MGMT: variants seen among roughly 807,000 people sequenced by gnomAD.
MGMT encodes O-6-methylguanine-DNA methyltransferase.
A neutral mutation model predicts 15.9 loss-of-function variants in MGMT; 14 were observed. That is an observed-to-expected ratio of 0.88 (90% CI 0.58 to 1.37). The LOEUF (loss-of-function observed/expected upper bound fraction) is 1.37. MGMT is among the 40% of genes most tolerant of loss of function. MGMT has a pLI of 0.00. For missense variants in MGMT, 282 were observed against 268.1 expected (o/e 1.05, Z -0.36); for synonymous variants, 130 against 118.2 (o/e 1.10, Z -0.65).
intron 1 of MGMT, among the ~76,000 whole-genome samples, chr10:129,511,700 G>A (rs1368511660): frequency 6.6e-6 from 1 of 152,176 alleles, no homozygotes; most frequent in Non-Finnish European, 1.5e-5. Context: ...GAGGGGCCTA[G>A]CATATACTAA....
At chr10:129,497,196 A>C (rs1412016893) in intron 1 of MGMT, among the ~76,000 whole-genome samples, 1 of 151,202 alleles carries the variant, frequency 6.6e-6, no homozygotes, top group African/African-American at 2.4e-5. Flanking sequence ...AGCTCGTACC[A>C]CTCCCCCGTC....
At chr10:129,760,013 A>C (rs1848853906) in intron 4 of MGMT, among the ~76,000 whole-genome samples, 1 of 152,112 alleles carries the variant, frequency 6.6e-6, no homozygotes, top group South Asian at 2.1e-4. Flanking sequence ...GATTTCACTA[A>C]ACTCCAGGCT....
At chr10:129,543,715 T>C (rs1846069529) in intron 2 of MGMT, among the ~76,000 whole-genome samples, 1 of 152,208 alleles carries the variant, frequency 6.6e-6, no homozygotes, top group Non-Finnish European at 1.5e-5. Flanking sequence ...GCAAAAGTTT[T>C]ATTTCTGTCA....
chr10:129,493,938 A>T (rs1845494764), intron 1 of MGMT, among the ~76,000 whole-genome samples: 1 of 152,122 alleles, frequency 6.6e-6, no homozygotes, highest in Non-Finnish European at 1.5e-5. Flanking sequence ...TGTGTGTTTG[A>T]CTTTTTCACC....
chr10:129,652,150 A>G (rs1054961188), intron 2 of MGMT, among the ~76,000 whole-genome samples: 7 of 152,184 alleles, frequency 4.6e-5, no homozygotes, highest in African/African-American at 1.7e-4. Flanking sequence ...ACTGAAGACA[A>G]CAGAAAGGCC....
chr10:129,590,634 A>G (rs1178157575), intron 2 of MGMT, among the ~76,000 whole-genome samples: 1 of 152,246 alleles, frequency 6.6e-6, no homozygotes, highest in Non-Finnish European at 1.5e-5. Flanking sequence ...GTCATTTGCC[A>G]TTCACAGTCT....
chr10:129,696,029 T>G (rs1486181412), intron 2 of MGMT, among the ~76,000 whole-genome samples: 1 of 152,112 alleles, frequency 6.6e-6, no homozygotes, highest in Non-Finnish European at 1.5e-5. Context: ...TGAGAAGGCA[T>G]GCCTACAGAC....
At chr10:129,540,230 C>CTTA (rs1564846502) in intron 2 of MGMT, among the ~76,000 whole-genome samples, 2 of 152,156 alleles carry the variant, frequency 1.3e-5, no homozygotes, top group African/African-American at 4.8e-5. Flanking sequence ...GTATGTTGAT[C>CTTA]TTATATTCTG....
At chr10:129,484,943 G>A (rs1845393959) in intron 1 of MGMT, among the ~76,000 whole-genome samples, 2 of 151,812 alleles carry the variant, frequency 1.3e-5, no homozygotes, top group Non-Finnish European at 2.9e-5. Flanking sequence ...ATATATGTAT[G>A]TGTGTATTTT....
At chr10:129,745,182 C>G (rs1207671137) in intron 3 of MGMT, among the ~76,000 whole-genome samples, 1 of 152,126 alleles carries the variant, frequency 6.6e-6, no homozygotes, top group East Asian at 1.9e-4. Flanking sequence ...GAGAAAACTC[C>G]CTTTGATTAA....
At chr10:129,531,997 A>G (rs1845938451) in intron 1 of MGMT, among the ~76,000 whole-genome samples, 1 of 152,142 alleles carries the variant, frequency 6.6e-6, no homozygotes, top group South Asian at 2.1e-4. Flanking sequence ...GAACTCATTC[A>G]TTGTTGCAGT....
chr10:129,581,309 C>T (rs1846553083), intron 2 of MGMT, among the ~76,000 whole-genome samples: 1 of 152,120 alleles, frequency 6.6e-6, no homozygotes, highest in South Asian at 2.1e-4. Context: ...CCTGTCTTTC[C>T]AAGCCACCAT....
intron 2 of MGMT, among the ~76,000 whole-genome samples, chr10:129,574,743 C>A (rs765190552): frequency 7.2e-5 from 11 of 152,202 alleles, no homozygotes; most frequent in Non-Finnish European, 1.3e-4. Flanking sequence ...TTGGAAAACA[C>A]TTCTGTGAGC....
rs1846218221 is a variant in MGMT, at chr10:129,556,690, C to T, written c.125+20313C>T. Among the ~76,000 whole-genome samples the T allele has an allele frequency of 6.6e-6, 1 of 152,124 alleles. No individual in the cohort carries two copies. The highest frequency in any genetic ancestry group is 2.1e-4 in the South Asian group (1 of 4,832). On this transcript the variant is annotated intron_variant, in intron 2 of 4. Transcript: ENST00000651593. This position sits in a 1 kb window ranked among gnomAD's most constrained non-coding sequence, Gnocchi z 4.3. ...CAAAGTCAGGACGGGCAGGAGCGTT[C>T]TAGGCAAATGATGAAAATGGTATTT...
At chr10:129,505,112 A>G (rs1845612625) in intron 1 of MGMT, among the ~76,000 whole-genome samples, 1 of 152,204 alleles carries the variant, frequency 6.6e-6, no homozygotes, top group African/African-American at 2.4e-5. Flanking sequence ...TCCAAGGAGA[A>G]TGAAGTATTG....
At chr10:129,725,226 GAC>G (rs1267883237) in intron 3 of MGMT, among the ~76,000 whole-genome samples, 5 of 152,220 alleles carry the variant, frequency 3.3e-5, no homozygotes, top group Admixed American at 3.3e-4. Flanking sequence ...GCAAGTGGAA[GAC>G]ACACAGAATC....
At chr10:129,743,680 C>T (rs1848663332) in intron 3 of MGMT, among the ~76,000 whole-genome samples, 1 of 152,244 alleles carries the variant, frequency 6.6e-6, no homozygotes, top group African/African-American at 2.4e-5. Context: ...TAGCTGCTTC[C>T]TTCTTCCCTG....
intron 3 of MGMT, among the ~76,000 whole-genome samples, chr10:129,716,685 C>A (rs942805275): frequency 4.6e-5 from 7 of 152,166 alleles, no homozygotes; most frequent in Non-Finnish European, 1.0e-4. Context: ...CCCTGCTTTT[C>A]CCCAAGAATT....
At chr10:129,572,196 G>A (rs1038731346) in intron 2 of MGMT, among the ~76,000 whole-genome samples, 1 of 152,020 alleles carries the variant, frequency 6.6e-6, no homozygotes, top group Admixed American at 6.6e-5. Flanking sequence ...ATTTTTAGTT[G>A]GGATTTGTTA....
Sources: gnomAD v4.1 joint callset for allele counts (sites outside exome capture counted in the v4.1 genomes callset) on GRCh38, gnomAD v4.1.1 for gene constraint, Gnocchi (gnomAD v3.1) non-coding constraint, MANE v1.5 for transcripts, NCBI Gene and HGNC (gene_info 2026-07-23, HGNC 2026-07-21) for gene names.